SH2D3C: variants seen among roughly 807,000 people sequenced by gnomAD.
SH2D3C encodes the protein SH2 domain-containing protein 3C.
SH2D3C carries 25 observed loss-of-function variants against 75.2 expected under a neutral mutation model. That is an observed-to-expected ratio of 0.33 (90% CI 0.24 to 0.46). The LOEUF (loss-of-function observed/expected upper bound fraction) is 0.46, where lower values mean the gene tolerates loss of function less well. Ranked by LOEUF, SH2D3C falls within the 20% of genes least tolerant of loss-of-function variation. SH2D3C has a pLI of 1.00. For missense variants in SH2D3C, 933 were observed against 1,165.3 expected (o/e 0.80, Z 2.90); for synonymous variants, 450 against 473.7 (o/e 0.95, Z 0.65).
In SH2D3C at chr9:127,749,961, T is replaced by C. The variant is rs987827255; in HGVS notation, c.685-296A>G. 1.3e-5 allele frequency among the ~76,000 whole-genome samples: 2 copies of C among 152,042 alleles called. No homozygotes were observed. The highest frequency in any genetic ancestry group is 4.8e-5 in the African/African-American group (2 of 41,386). ...CAGGGTCTGGAGGAGTGAGAATGGCTGTGACCTGAGACCCAGGTCTCAGAC... is the reference window on the plus strand; with the variant it reads ...CAGGGTCTGGAGGAGTGAGAATGGCCGTGACCTGAGACCCAGGTCTCAGAC... On this transcript the variant is annotated intron_variant, in intron 4 of 11. Transcript: ENST00000314830. This position sits in a 1 kb window ranked among gnomAD's most constrained non-coding sequence, Gnocchi z 5.9.
rs759538310 is a variant in SH2D3C, at chr9:127,738,725, A to G, written c.*21T>C. 7.7e-6 allele frequency: 12 copies of G among 1,565,966 alleles called. No individual in the cohort carries two copies. The South Asian group carries it at 8.2e-5, about 11-fold the overall frequency. On this transcript the variant is annotated 3_prime_UTR_variant, in exon 12 of 12. Transcript: ENST00000314830. This position sits in a 1 kb window ranked among gnomAD's most constrained non-coding sequence, Gnocchi z 5.0. ...TGCCCCTGACGCTGTCCGCAGCTGCAGAGGGGAAATGTCCCTGGGGTCACA... is the reference window on the plus strand; with the variant it reads ...TGCCCCTGACGCTGTCCGCAGCTGCGGAGGGGAAATGTCCCTGGGGTCACA...
rs1844766614 is a variant in SH2D3C, at chr9:127,738,990, G to C, written c.2408-69C>G. The C allele has an allele frequency of 7.2e-7, 1 of 1,398,478 alleles. No homozygotes were observed. Among genetic ancestry groups the C allele is most frequent in the Non-Finnish European group, 9.4e-7 (1 of 1,063,460 alleles). 86.6% of individuals were successfully genotyped at this position (1,398,478 alleles called of 1,614,324 possible). ...TGTCCAGAGCCCTAGCATTCTTCAGGACCCCCCTGTTAGGGACCTCCCCTC... is the reference window on the plus strand; with the variant it reads ...TGTCCAGAGCCCTAGCATTCTTCAGCACCCCCCTGTTAGGGACCTCCCCTC... On this transcript the variant is annotated intron_variant, in intron 11 of 11. Coordinates refer to ENST00000314830, the MANE Select transcript of SH2D3C (RefSeq NM_170600.3). This position sits in a 1 kb window ranked among gnomAD's most constrained non-coding sequence, Gnocchi z 5.0.
At chr9:127,761,802 G>C (rs1808057219) in intron 2 of SH2D3C, 152 bp from the exon 3 acceptor site, 4 of 602,242 alleles carry the variant, frequency 6.6e-6, no homozygotes, top group East Asian at 3.0e-5. Context: ...AGCTGGCCTG[G>C]CTCCTCCACT....
At position 127,754,389 on chromosome 9, in the gene SH2D3C, C is replaced by T. The variant is rs535390113; in HGVS notation, c.556-3089G>A. ...CTTAACCCCTTCCCGCCAGCCCGAG[C>T]CCAGCATCCCCTCCAGCTCCCCTCG... On this transcript the variant is annotated intron_variant, in intron 3 of 11. Transcript: ENST00000314830. The surrounding 1 kb of genome is among the most constrained non-coding windows in gnomAD (Gnocchi z 4.4). Among the ~76,000 whole-genome samples, 77 of 152,222 alleles carry T rather than the reference C, an allele frequency of 5.1e-4. No individual in the cohort carries two copies. The highest frequency in any genetic ancestry group is 1.1e-3 in the Non-Finnish European group (74 of 67,980).
At position 127,751,505 on chromosome 9, in the gene SH2D3C, G is replaced by A. The variant is rs936570183; in HGVS notation, c.556-205C>T. ...CAAAACAATGCCAGCTGCATTCCAGGCCCTGTGCTATATGCCAGGGGTGGA... is the reference window on the plus strand; with the variant it reads ...CAAAACAATGCCAGCTGCATTCCAGACCCTGTGCTATATGCCAGGGGTGGA... On this transcript the variant is annotated intron_variant, in intron 3 of 11. Transcript: ENST00000314830. The surrounding 1 kb of genome is among the most constrained non-coding windows in gnomAD (Gnocchi z 4.1). Among the ~76,000 whole-genome samples, 15 of 152,224 alleles carry A rather than the reference G, an allele frequency of 9.9e-5. No individual in the cohort carries two copies. Among genetic ancestry groups the A allele is most frequent in the African/African-American group, 3.4e-4 (14 of 41,446 alleles).
chr9:127,770,997 G>GT, intron 2 of SH2D3C, among the ~76,000 whole-genome samples: 1 of 152,324 alleles, frequency 6.6e-6, no homozygotes, highest in East Asian at 1.9e-4. Context: ...TCCTGGGGCT[G>GT]TTGTGTAGAG....
rs1362986702 is a variant in SH2D3C, at chr9:127,739,371, A to G, written c.2407+311T>C. Among the ~76,000 whole-genome samples, 2 of 152,136 alleles carry G rather than the reference A, an allele frequency of 1.3e-5. No homozygotes were observed. Among genetic ancestry groups the G allele is most frequent in the Non-Finnish European group, 2.9e-5 (2 of 67,984 alleles). On this transcript the variant is annotated intron_variant, in intron 11 of 11. Coordinates refer to ENST00000314830, the MANE Select transcript of SH2D3C (RefSeq NM_170600.3). The surrounding 1 kb of genome is among the most constrained non-coding windows in gnomAD (Gnocchi z 4.3). ...TAAAAATACAAAAAATTGGCCAGGT[A>G]TGGTGGCTCACGCCTGTAATTGCAG...
rs1845202048 is a variant in SH2D3C, at chr9:127,751,527, TG to T, written c.556-228del. On this transcript the variant is annotated intron_variant, in intron 3 of 11. Coordinates refer to ENST00000314830, the MANE Select transcript of SH2D3C (RefSeq NM_170600.3). The surrounding 1 kb of genome is among the most constrained non-coding windows in gnomAD (Gnocchi z 4.1). The stretch of plus-strand genomic sequence containing the variant: ...CAGGCCCTGTGCTATATGCCAGGGG[TG>T]GATGCAGTGATATATAAACCAAGCC... Among the ~76,000 whole-genome samples, 1 of 151,852 alleles carries T rather than the reference TG, an allele frequency of 6.6e-6. No homozygotes were observed. The highest frequency in any genetic ancestry group is 2.1e-4 in the South Asian group (1 of 4,816).
At chr9:127,757,913 G>A (rs1050203872) in intron 3 of SH2D3C, among the ~76,000 whole-genome samples, 2 of 151,822 alleles carry the variant, frequency 1.3e-5, no homozygotes, top group African/African-American at 2.4e-5. Flanking sequence ...CACCCACCTC[G>A]GCCTCCCAAA....
chr9:127,771,423 G>A, intron 2 of SH2D3C: 1 of 1,269,218 alleles, frequency 7.9e-7, no homozygotes, highest in Non-Finnish European at 1.0e-6. Flanking sequence ...CGGCAGGGAA[G>A]GACGCTCTCC....
At position 127,749,785 on chromosome 9, in the gene SH2D3C, G is replaced by A. The variant is rs1189083965; in HGVS notation, c.685-120C>T. The A allele has an allele frequency of 9.1e-6, 6 of 661,080 alleles. No individual in the cohort carries two copies. The highest frequency in any genetic ancestry group is 7.1e-5 in the African/African-American group (4 of 56,030). The allele number at this position is 661,080 out of a possible 1,614,324, so 41.0% of individuals were successfully genotyped here. A position where few individuals can be genotyped will look rare whatever the true frequency, so the allele number is the denominator to read the frequency against. ...AGCAAGACCAGACCCAGGGCATAGA[G>A]GACCCAATGAACAGAGACATCTGAC... On this transcript the variant is annotated intron_variant, in intron 4 of 11. Transcript: ENST00000314830. The surrounding 1 kb of genome is among the most constrained non-coding windows in gnomAD (Gnocchi z 5.9).
chr9:127,755,777 C>CT (rs1377307103), intron 3 of SH2D3C, among the ~76,000 whole-genome samples: 7 of 152,142 alleles, frequency 4.6e-5, no homozygotes, highest in African/African-American at 1.7e-4. Context: ...GTTAGAGGGG[C>CT]AGCCTGGATT....
chr9:127,755,042 C>A (rs892071060), intron 3 of SH2D3C: 6 of 1,069,242 alleles, frequency 5.6e-6, no homozygotes, highest in East Asian at 4.2e-5. Context: ...GGGGTCCCAG[C>A]CCGGCGCGCG....
chr9:127,762,967 T>C (rs1022572195), intron 2 of SH2D3C, among the ~76,000 whole-genome samples: 2 of 152,236 alleles, frequency 1.3e-5, no homozygotes, highest in South Asian at 2.1e-4. Flanking sequence ...CACAAGGCCC[T>C]GTGTGGCCTG....
intron 7 of SH2D3C, among the ~76,000 whole-genome samples, chr9:127,743,891 G>A (rs1844940726): frequency 1.3e-5 from 2 of 151,842 alleles, no homozygotes; most frequent in Admixed American, 1.3e-4. Context: ...CGGGGGGGCG[G>A]TGGGGGCAGA....
chr9:127,773,883 A>T, intron 2 of SH2D3C, 107 bp downstream of exon 2: 1 of 673,714 alleles, frequency 1.5e-6, no homozygotes, highest in South Asian at 1.9e-5. Flanking sequence ...ACACCACTGC[A>T]CTCCAGCCTG....
chr9:127,758,630 A>C (rs1845453002), intron 3 of SH2D3C, among the ~76,000 whole-genome samples: 1 of 152,164 alleles, frequency 6.6e-6, no homozygotes, highest in Non-Finnish European at 1.5e-5. Flanking sequence ...GGGCTCACGC[A>C]GTTTACTTTC....
At chr9:127,740,970 C>T (rs776502222) in intron 9 of SH2D3C, among the ~76,000 whole-genome samples, 4 of 151,890 alleles carry the variant, frequency 2.6e-5, no homozygotes, top group South Asian at 2.1e-4. Context: ...CGTGAGCTAC[C>T]GCGCCTGGCT....
Position 127,754,228 on chromosome 9 carries a change from G to C in SH2D3C, c.556-2928C>G, listed in dbSNP as rs1483047769. The stretch of plus-strand genomic sequence containing the variant: ...CCTGATTGGCCGGTGCGGGGATGCT[G>C]CGCTCCGCCGCCGGCGGGGCAGTCC... On this transcript the variant is annotated intron_variant, in intron 3 of 11. Transcript: ENST00000314830. This position sits in a 1 kb window ranked among gnomAD's most constrained non-coding sequence, Gnocchi z 4.4. Among the ~76,000 whole-genome samples the C allele has an allele frequency of 6.6e-6, 1 of 152,174 alleles. No individual in the cohort carries two copies. Among genetic ancestry groups the C allele is most frequent in the African/African-American group, 2.4e-5 (1 of 41,448 alleles).
Sources: allele counts gnomAD v4.1 joint callset (sites outside exome capture counted in the v4.1 genomes callset), GRCh38; gene constraint gnomAD v4.1.1; non-coding constraint Gnocchi (gnomAD v3.1); transcripts MANE v1.5; gene names NCBI Gene and HGNC (gene_info 2026-07-23, HGNC 2026-07-21).